Variants in ADCY4 observed in about 807,000 individuals in gnomAD.
The protein encoded by ADCY4 is adenylate cyclase 4.
In ADCY4, 111 loss-of-function variants were observed where a neutral mutation model predicts 125.5. That is an observed-to-expected ratio of 0.88 (90% CI 0.76 to 1.04). ADCY4 has a LOEUF of 1.04. Among genes scored for constraint, ADCY4 ranks in the 50% least tolerant of loss-of-function variants. ADCY4 has a pLI of 0.00. For synonymous variants in ADCY4, 576 were observed against 586.9 expected (o/e 0.98, Z 0.27); for missense variants, 1,256 against 1,382.9 (o/e 0.91, Z 1.46).
At chr14:24,323,745 G>T in intron 16 of ADCY4, 1 of 781,734 alleles carries the variant, frequency 1.3e-6, no homozygotes, top group Non-Finnish European at 1.6e-6. Flanking sequence ...GCTGGTGGGT[G>T]ATTCCCAGGT....
In ADCY4 at chr14:24,328,133, A is replaced by G. The variant is rs573618435; in HGVS notation, c.1524+928T>C. 7.0e-3 allele frequency among the ~76,000 whole-genome samples: 1,058 copies of G among 151,118 alleles called. 17 individuals are homozygous for G. The highest frequency in any genetic ancestry group is 0.024 in the African/African-American group (991 of 41,206). On this transcript the variant is annotated intron_variant, in intron 10 of 24. Transcript: ENST00000418030. ...TCCTTGGTCTAGCGGTGACGCCAGC[A>G]TCTGGGAAGACGCCCGTCACCAAGC... is the stretch of plus-strand genomic sequence containing the variant.
At chr14:24,325,529 G>T (rs2041928627) in intron 13 of ADCY4, 55 bp from the exon 14 acceptor site, 1 of 1,481,810 alleles carries the variant, frequency 6.7e-7, no homozygotes, top group African/African-American at 1.4e-5. Flanking sequence ...CCATCACCTT[G>T]AAGGCATCAC....
chr14:24,325,511 A>T, intron 13 of ADCY4, 37 bp from the exon 14 acceptor site: 1 of 1,558,674 alleles, frequency 6.4e-7, no homozygotes, highest in Non-Finnish European at 8.8e-7. Flanking sequence ...GACAGGGTCC[A>T]GTGCTACCCA....
intron 16 of ADCY4, 180 bp from the exon 17 acceptor site, chr14:24,323,634 T>G: frequency 7.0e-7 from 1 of 1,423,980 alleles, no homozygotes; most frequent in South Asian, 1.5e-5. Flanking sequence ...GGAGGAGTTA[T>G]GTGAGGGGCG....
chr14:24,318,579 A>AG lies in ADCY4; in HGVS notation c.3082-12dup, dbSNP rs1344533789. 2.5e-6 allele frequency: 4 copies of AG among 1,613,838 alleles called. No individual in the cohort carries two copies. The highest frequency in any genetic ancestry group is 1.7e-5 in the Admixed American group (1 of 59,994). ...TGTCTCCTCAGTCACCTACAATTGG[A>AG]GGGGGGCGAGGGAATATGGAGGTGG... is the stretch of plus-strand genomic sequence containing the variant. On this transcript the variant is annotated splice_polypyrimidine_tract_variant and intron_variant, in intron 24 of 24. Transcript: ENST00000418030.
At position 24,319,334 on chromosome 14, in the gene ADCY4, G is replaced by T. The variant is rs1423579405; in HGVS notation, c.2836C>A (p.Gln946Lys). ...GTAAGGAAGGGTTGCCGTACCTGTT[G>T]TGCATCCTGTCCAGAGGTGGCATTT... Reference protein sequence around the residue: ...GLNATSGQDAQQDAERSCSHL... With the variant: ...GLNATSGQDAKQDAERSCSHL... Residue 946 changes from glutamine (Q) to lysine (K), a missense_variant, in exon 22 of 25, where the codon CAA becomes AAA. Physicochemically the swap from Gln to Lys is moderately conservative, Grantham distance 53 (BLOSUM62 1). Coordinates refer to ENST00000418030, the MANE Select transcript of ADCY4 (RefSeq NM_001198568.2). This position sits in a 1 kb window ranked among gnomAD's most constrained non-coding sequence, Gnocchi z 4.5. 1 of 1,614,132 alleles carries T rather than the reference G, an allele frequency of 6.2e-7. No individual in the cohort carries two copies. The highest frequency in any genetic ancestry group is 1.7e-5 in the Admixed American group (1 of 60,026).
At chr14:24,333,041 T>G (rs994821246) in intron 1 of ADCY4, 53 bp from the exon 2 acceptor site, 2 of 1,477,684 alleles carry the variant, frequency 1.4e-6, no homozygotes, top group African/African-American at 2.8e-5. Context: ...GGAACGAACC[T>G]GATAAAGGAA....
At chr14:24,325,688 G>A in intron 13 of ADCY4, 130 bp downstream of exon 13, 10 of 1,130,138 alleles carry the variant, frequency 8.8e-6, no homozygotes, top group Non-Finnish European at 1.3e-5. Flanking sequence ...TTTAGAGAGA[G>A]GCACAAGCTC....
chr14:24,322,427 T>G (rs2041866527), intron 19 of ADCY4, 197 bp downstream of exon 19: 1 of 864,044 alleles, frequency 1.2e-6, no homozygotes, highest in Non-Finnish European at 1.8e-6. Flanking sequence ...GGCAGCAGAC[T>G]TTTTCTAAAG....
Position 24,322,092 on chromosome 14 carries a change from A to G in ADCY4, c.2560T>C (p.Phe854Leu). ...NVLPAHVAPQ[F>L]IGQNRRNEDL... ...TCGTTGCGCCGGTTCTGGCCAATGA[A>G]CTGGGGGGCCACGTGTGCAGGGAGC... The change falls in exon 20 of 25, where the codon TTC becomes CTC. Residue 854 changes from phenylalanine (F) to leucine (L), a missense_variant. Physicochemically the swap from Phe to Leu is conservative, Grantham distance 22. Coordinates refer to ENST00000418030, the MANE Select transcript of ADCY4 (RefSeq NM_001198568.2). 1 of 1,613,790 alleles carries G rather than the reference A, an allele frequency of 6.2e-7. No homozygotes were observed. The highest frequency in any genetic ancestry group is 8.5e-7 in the Non-Finnish European group (1 of 1,179,750).
At chr14:24,332,478 G>T in intron 3 of ADCY4, 44 bp downstream of exon 3, 1 of 1,542,798 alleles carries the variant, frequency 6.5e-7, no homozygotes. Context: ...ACTAGCACGT[G>T]GCAGAGCCGT....
rs200183779 is a variant in ADCY4, at chr14:24,323,095, G to A, written c.2158-7C>T. The A allele has an allele frequency of 5.0e-6, 8 of 1,613,680 alleles. No homozygotes were observed. The highest frequency in any genetic ancestry group is 2.7e-5 in the African/African-American group (2 of 75,022). Reference sequence around the variant, plus strand: ...TGCAGCAGTGCATGGAGTACTGTGGGGCCAGGCAGGGGTCAGGAGTGGGCA... The same window carrying A: ...TGCAGCAGTGCATGGAGTACTGTGGAGCCAGGCAGGGGTCAGGAGTGGGCA... On this transcript the variant is annotated splice_region_variant and splice_polypyrimidine_tract_variant and intron_variant, in intron 17 of 24. Coordinates refer to ENST00000418030, the MANE Select transcript of ADCY4 (RefSeq NM_001198568.2).
At chr14:24,326,571 T>TTGTGTGTGTGTGTGTGTG (rs71119070) in intron 10 of ADCY4, 9 of 278,280 alleles carry the variant, frequency 3.2e-5, no homozygotes, top group African/African-American at 2.0e-4. Flanking sequence ...CCCAGGATCT[T>TTGTGTGTGTGTGTGTGTG]TGTGTGTGTG....
intron 16 of ADCY4, 78 bp from the exon 17 acceptor site, chr14:24,323,532 C>A: frequency 6.5e-7 from 1 of 1,531,836 alleles, no homozygotes; most frequent in Non-Finnish European, 8.8e-7. Context: ...TTCAGCTGAC[C>A]CAGGGATGAG....
chr14:24,331,007 T>G lies in ADCY4; in HGVS notation c.930+11A>C, dbSNP rs1344026595. 6.3e-7 allele frequency: 1 copy of G among 1,586,946 alleles called. No individual in the cohort carries two copies. The highest frequency in any genetic ancestry group is 1.3e-5 in the African/African-American group (1 of 74,436). On this transcript the variant is annotated intron_variant, in intron 6 of 24. Coordinates refer to ENST00000418030, the MANE Select transcript of ADCY4 (RefSeq NM_001198568.2). ...GAGGGTCCCTGGGTGGGGAGGGAAGTCTTCTCTGACCTTGGCAATCTGGTC... is the reference window on the plus strand; with the variant it reads ...GAGGGTCCCTGGGTGGGGAGGGAAGGCTTCTCTGACCTTGGCAATCTGGTC...
Position 24,318,571 on chromosome 14 carries a change from A to G in ADCY4, c.3082-3T>C. 6.2e-7 allele frequency: 1 copy of G among 1,614,118 alleles called. No individual in the cohort carries two copies. The highest frequency in any genetic ancestry group is 8.5e-7 in the Non-Finnish European group (1 of 1,179,990). On this transcript the variant is annotated splice_region_variant and splice_polypyrimidine_tract_variant and intron_variant, in intron 24 of 24. Coordinates refer to ENST00000418030, the MANE Select transcript of ADCY4 (RefSeq NM_001198568.2). ...GCCCATGCTGTCTCCTCAGTCACCT[A>G]CAATTGGAGGGGGGCGAGGGAATAT...
chr14:24,322,768 C>T (rs2041874425), intron 18 of ADCY4, 60 bp from the exon 19 acceptor site: 4 of 1,580,528 alleles, frequency 2.5e-6, no homozygotes, highest in Non-Finnish European at 3.4e-6. Flanking sequence ...CTTCTCCCTG[C>T]CCCCATGTAG....
chr14:24,323,693 C>T (rs954257778), intron 16 of ADCY4: 2 of 1,375,356 alleles, frequency 1.5e-6, no homozygotes, highest in Admixed American at 3.1e-5. Context: ...TCTTGCCAGC[C>T]ACTTAGCCTC....
rs770188697 is a variant in ADCY4, at chr14:24,330,159, T to C, written c.1058+9A>G. ...CTCAGCATTCCTCTTGACCACCGCC[T>C]GAGCTGACCTGATGGCCCGGCACAT... On this transcript the variant is annotated intron_variant, in intron 7 of 24. Transcript: ENST00000418030. 2.5e-6 allele frequency: 4 copies of C among 1,612,374 alleles called. No homozygotes were observed. Among genetic ancestry groups the C allele is most frequent in the Non-Finnish European group, 3.4e-6 (4 of 1,178,710 alleles).
Sources: gnomAD v4.1 joint callset for allele counts (sites outside exome capture counted in the v4.1 genomes callset) on GRCh38, gnomAD v4.1.1 for gene constraint, Gnocchi (gnomAD v3.1) non-coding constraint, MANE v1.5 for transcripts, NCBI Gene and HGNC (gene_info 2026-07-23, HGNC 2026-07-21) for gene names.